The following ATXN7 variants were observed in gnomAD, a reference collection of about 807,000 sequenced individuals.
ATXN7 encodes ataxin 7.
ATXN7 carries 12 observed loss-of-function variants against 70.5 expected under a neutral mutation model. The observed-to-expected ratio is 0.17, with a 90% confidence interval of 0.11 to 0.28. The LOEUF is 0.28. ATXN7 is among the 10% of genes least tolerant of loss of function. The probability of loss-of-function intolerance (pLI) is 1.00; values close to 1 mark genes in which losing one functional copy is unlikely to be tolerated. For missense variants in ATXN7, 1,256 were observed against 1,131.7 expected, an observed-to-expected ratio of 1.11 and a Z score of -1.58; for synonymous variants, 498 against 448.7, an observed-to-expected ratio of 1.11 and a Z score of -1.39.
At chr3:63,989,492 G>A (rs2075632985) in intron 9 of ATXN7, among the ~76,000 whole-genome samples, 1 of 151,818 alleles carries the variant, frequency 6.6e-6, no homozygotes, top group Admixed American at 6.6e-5. Context: ...TCACATCCGT[G>A]GTTTACACCA....
At chr3:63,943,005 C>A (rs7621544) in intron 4 of ATXN7, among the ~76,000 whole-genome samples, 43,943 of 152,008 alleles carry the variant, frequency 0.29, 8,838 homozygotes, top group African/African-American at 0.57. Context: ...GTACTTGTGG[C>A]CCCTGACCTC....
intron 4 of ATXN7, among the ~76,000 whole-genome samples, chr3:63,916,724 C>A (rs1405540927): frequency 6.6e-6 from 1 of 152,212 alleles, no homozygotes; most frequent in Non-Finnish European, 1.5e-5. Flanking sequence ...ATCATTCCCT[C>A]TTCTGCCATT....
chr3:63,961,152 C>T (rs1263598919), intron 5 of ATXN7, among the ~76,000 whole-genome samples: 1 of 152,064 alleles, frequency 6.6e-6, no homozygotes, highest in Non-Finnish European at 1.5e-5. Flanking sequence ...TTCCTAGAAC[C>T]TGGACAAAGT....
At chr3:63,935,117 T>C (rs2074634862) in intron 4 of ATXN7, among the ~76,000 whole-genome samples, 1 of 152,034 alleles carries the variant, frequency 6.6e-6, no homozygotes, top group Admixed American at 6.6e-5. Context: ...GTAAAGGTAA[T>C]GAATGAATGA....
chr3:63,921,752 C>T (rs142724787), intron 4 of ATXN7, among the ~76,000 whole-genome samples: 161 of 152,158 alleles, frequency 1.1e-3, no homozygotes, highest in African/African-American at 3.6e-3. Flanking sequence ...TGAAGGAAAC[C>T]GCATAGCTTT....
intron 1 of ATXN7, among the ~76,000 whole-genome samples, chr3:63,873,175 AT>A (rs887387105): frequency 1.3e-5 from 2 of 152,144 alleles, no homozygotes; most frequent in African/African-American, 4.8e-5. Context: ...TATCCCCCCA[AT>A]TTTTAAGAAA....
At chr3:63,945,426 C>T (rs2074843708) in intron 4 of ATXN7, among the ~76,000 whole-genome samples, 1 of 152,200 alleles carries the variant, frequency 6.6e-6, no homozygotes, top group South Asian at 2.1e-4. Context: ...GAAACTGCCT[C>T]TAGGTATAAA....
intron 5 of ATXN7, among the ~76,000 whole-genome samples, chr3:63,971,953 G>A (rs1452051324): frequency 6.6e-6 from 1 of 152,042 alleles, no homozygotes; most frequent in African/African-American, 2.4e-5. Flanking sequence ...TTTGTTTTAT[G>A]CAGTCTTTAT....
intron 1 of ATXN7, among the ~76,000 whole-genome samples, chr3:63,880,379 GA>G (rs1359825534): frequency 6.6e-6 from 1 of 152,176 alleles, no homozygotes; most frequent in African/African-American, 2.4e-5. Context: ...AAGTACAGAT[GA>G]AAAAAGTGCC....
intron 1 of ATXN7, among the ~76,000 whole-genome samples, chr3:63,891,118 T>G (rs1296026839): frequency 6.6e-6 from 1 of 152,198 alleles, no homozygotes; most frequent in East Asian, 1.9e-4. Context: ...CAAGTGATTC[T>G]TGTGCCTCAG....
chr3:63,941,990 C>T (rs2074777101), intron 4 of ATXN7, among the ~76,000 whole-genome samples: 1 of 152,210 alleles, frequency 6.6e-6, no homozygotes, highest in African/African-American at 2.4e-5. Flanking sequence ...GGAGACCAGC[C>T]TTCCTCTTCT....
intron 4 of ATXN7, among the ~76,000 whole-genome samples, chr3:63,914,298 C>T (rs1302580855): frequency 6.6e-6 from 1 of 152,108 alleles, no homozygotes; most frequent in Admixed American, 6.5e-5. Context: ...AACTCTGTTT[C>T]GGTTTTTTTG....
chr3:63,871,219 T>C (rs1471782921), intron 1 of ATXN7, among the ~76,000 whole-genome samples: 2 of 152,176 alleles, frequency 1.3e-5, no homozygotes, highest in South Asian at 2.1e-4. Flanking sequence ...GTAGGATTTT[T>C]CCCCCTCCAA....
chr3:63,888,337 C>G (rs1314561973), intron 1 of ATXN7, among the ~76,000 whole-genome samples: 1 of 152,108 alleles, frequency 6.6e-6, no homozygotes, highest in Non-Finnish European at 1.5e-5. Flanking sequence ...CACCCAGTTT[C>G]TCCCATTTAT....
rs574244313 is a variant in ATXN7, at chr3:63,986,276, C to T, written c.1096-1783C>T. 6.6e-5 allele frequency among the ~76,000 whole-genome samples: 10 copies of T among 152,308 alleles called. No homozygotes were observed. The East Asian group carries it at 1.5e-3, about 24-fold the overall frequency. ...AAGGGTCTTAGAGTGTGCAGGGTTCCGGAGCCTAGTTATGCAGTCAGTCTT... is the reference window on the plus strand; with the variant it reads ...AAGGGTCTTAGAGTGTGCAGGGTTCTGGAGCCTAGTTATGCAGTCAGTCTT... On this transcript the variant is annotated intron_variant, in intron 8 of 12. Transcript: ENST00000674280.
At chr3:63,910,822 A>C (rs1015473719) in intron 2 of ATXN7, among the ~76,000 whole-genome samples, 12 of 152,086 alleles carry the variant, frequency 7.9e-5, no homozygotes, top group Admixed American at 7.2e-4. Flanking sequence ...TTTCTAAAAT[A>C]AAAATGTGTG....
rs767066861 is a variant in ATXN7 at position 63,912,699 on chromosome 3, A to C, written c.101A>C (p.Gln34Pro). 151 of 1,173,338 alleles carry C rather than the reference A, an allele frequency of 1.3e-4. 1 individual carries two copies. The Middle Eastern group carries it at 1.4e-3, about 11-fold the overall frequency. 72.7% of individuals were successfully genotyped at this position (1,173,338 alleles called of 1,614,324 possible). A position where few individuals can be genotyped will look rare whatever the true frequency, so the allele number is the denominator to read the frequency against. The change falls in exon 3 of 13, where the codon CAG becomes CCG. Residue 34 changes from glutamine to proline, a missense_variant. Gln to Pro is a moderately conservative substitution (Grantham distance 76, BLOSUM62 -1). Coordinates refer to ENST00000674280, the MANE Select transcript of ATXN7 (RefSeq NM_001377405.1). ...AAAAARQQQQ[Q>P]QQQQQPPPPQ... ...GCGGCCGCCCGGCAGCAGCAGCAGCAGCAGCAGCAGCAGCAGCCGCCGCCT... is the reference window on the plus strand; with the variant it reads ...GCGGCCGCCCGGCAGCAGCAGCAGCCGCAGCAGCAGCAGCAGCCGCCGCCT...
intron 4 of ATXN7, among the ~76,000 whole-genome samples, chr3:63,933,890 G>A (rs1017071400): frequency 2.6e-5 from 4 of 152,004 alleles, no homozygotes; most frequent in African/African-American, 9.7e-5. Context: ...ATTGGAGGGA[G>A]TGGCTAGTTG....
At position 63,865,951 on chromosome 3, in the gene ATXN7, GT is replaced by G. The variant is rs544265856; in HGVS notation, c.-111+1801del. On this transcript the variant is annotated intron_variant, in intron 1 of 12. Coordinates refer to ENST00000674280, the MANE Select transcript of ATXN7 (RefSeq NM_001377405.1). ...GAAAGTAATTGTCATGTGGTGAAAA[GT>G]TTTTTTTAAGTGTTTCTTAATCTTA... 2.9e-3 allele frequency among the ~76,000 whole-genome samples: 351 copies of G among 121,496 alleles called. 2 individuals carry two copies. Among genetic ancestry groups the G allele is most frequent in the African/African-American group, 9.9e-3 (326 of 32,920 alleles). 79.7% of individuals were successfully genotyped at this position (121,496 alleles called of 152,430 possible). A position where few individuals can be genotyped will look rare whatever the true frequency, so the allele number is the denominator to read the frequency against.
Sources: allele counts gnomAD v4.1 joint callset (sites outside exome capture counted in the v4.1 genomes callset), GRCh38; gene constraint gnomAD v4.1.1; transcripts MANE v1.5; gene names NCBI Gene and HGNC (gene_info 2026-07-23, HGNC 2026-07-21).